Variants in NPAS3 observed in about 807,000 individuals in gnomAD.
The protein encoded by NPAS3 is neuronal PAS domain protein 3.
In NPAS3, 14 loss-of-function variants were observed where a neutral mutation model predicts 73.1. That is an observed-to-expected ratio of 0.19 (90% confidence interval 0.13 to 0.30). The LOEUF is 0.30. Ranked by LOEUF, NPAS3 falls within the 10% of genes least tolerant of loss-of-function variation. The probability of loss-of-function intolerance (pLI) is 1.00; values close to 1 mark genes in which losing one functional copy is unlikely to be tolerated. For missense variants in NPAS3, 1,096 were observed against 1,250.0 expected (o/e 0.88, Z 1.86); for synonymous variants, 620 against 541.5 (o/e 1.14, Z -2.01).
chr14:33,782,834 A>AC (rs2063021750), intron 9 of NPAS3, among the ~76,000 whole-genome samples: 1 of 152,128 alleles, frequency 6.6e-6, no homozygotes, highest in African/African-American at 2.4e-5. Flanking sequence ...AAAAAAAAGA[A>AC]AAAAACAGTA....
At chr14:33,083,129 G>A (rs747330823) in intron 2 of NPAS3, among the ~76,000 whole-genome samples, 10 of 135,870 alleles carry the variant, frequency 7.4e-5, no homozygotes, top group Non-Finnish European at 1.2e-4. Context: ...GTTGCAGTGA[G>A]CCGTGATCAT....
At chr14:33,776,738 A>G (rs1404548901) in intron 8 of NPAS3, among the ~76,000 whole-genome samples, 1 of 151,932 alleles carries the variant, frequency 6.6e-6, no homozygotes, top group African/African-American at 2.4e-5. Context: ...TCATCCCCTC[A>G]CCAACCTTTT....
chr14:33,800,085 C>G lies in NPAS3; in HGVS notation c.1778C>G (p.Ala593Gly). Residue 593 changes from alanine (A) to glycine (G), a missense_variant, in exon 12 of 12, where the codon GCC becomes GGC. Physicochemically the swap from Ala to Gly is moderately conservative, Grantham distance 60 (BLOSUM62 0). This residue lies in a region of NPAS3 where 698 missense variants were observed against 676.7 expected (regional missense o/e 1.03). Coordinates refer to ENST00000356141, the Ensembl canonical transcript of NPAS3. The surrounding 1 kb of genome is among the most constrained non-coding windows in gnomAD (Gnocchi z 6.5). ...AGCGCAGGCGAGGCGGGCGCGCAGG[C>G]CTCCAGCAAGCACCAGAAGCGCAAG... 6.3e-7 allele frequency: 1 copy of G among 1,594,290 alleles called. No homozygotes were observed. Among genetic ancestry groups the G allele is most frequent in the Non-Finnish European group, 8.5e-7 (1 of 1,173,974 alleles).
intron 3 of NPAS3, among the ~76,000 whole-genome samples, chr14:33,241,385 A>C (rs139632507): frequency 8.4e-4 from 128 of 152,078 alleles, no homozygotes; most frequent in African/African-American, 2.9e-3. Flanking sequence ...AACACAAACT[A>C]TGTAGCTGTC....
chr14:33,749,650 G>C (rs2061901978), intron 7 of NPAS3, among the ~76,000 whole-genome samples: 1 of 152,122 alleles, frequency 6.6e-6, no homozygotes, highest in Admixed American at 6.5e-5. Flanking sequence ...AAGCCCCTTG[G>C]CACAGCGGAG....
intron 5 of NPAS3, among the ~76,000 whole-genome samples, chr14:33,591,104 T>A (rs2057048501): frequency 6.6e-6 from 1 of 152,190 alleles, no homozygotes; most frequent in Non-Finnish European, 1.5e-5. Flanking sequence ...TCTCTACAAC[T>A]GTTTCTTAAG....
chr14:33,608,653 T>C (rs992521223), intron 5 of NPAS3: 1 of 152,240 alleles, frequency 6.6e-6, no homozygotes, highest in African/African-American at 2.4e-5. Context: ...GGTAAGCTTT[T>C]TTTTTAAGTT....
At chr14:33,781,807 T>C (rs1162074374) in intron 9 of NPAS3, among the ~76,000 whole-genome samples, 1 of 152,260 alleles carries the variant, frequency 6.6e-6, no homozygotes, top group Non-Finnish European at 1.5e-5. Flanking sequence ...ATACTATCTT[T>C]ATCACTTATA....
intron 7 of NPAS3, among the ~76,000 whole-genome samples, chr14:33,745,815 T>G (rs960346651): frequency 1.3e-5 from 2 of 152,232 alleles, no homozygotes; most frequent in African/African-American, 4.8e-5. Flanking sequence ...ATTGATTTGA[T>G]TATAAGGGAC....
intron 3 of NPAS3, among the ~76,000 whole-genome samples, chr14:33,261,695 A>G (rs2048981616): frequency 6.6e-6 from 1 of 152,318 alleles, no homozygotes; most frequent in African/African-American, 2.4e-5. Flanking sequence ...AAAGTTTGAC[A>G]TAACAATTTT....
chr14:33,764,661 C>T (rs1036454147), intron 7 of NPAS3, among the ~76,000 whole-genome samples: 11 of 152,254 alleles, frequency 7.2e-5, no homozygotes, highest in African/African-American at 2.6e-4. Flanking sequence ...GCCTCTCTAC[C>T]CTCAAGACAG....
chr14:33,155,923 T>A (rs1313031568), intron 2 of NPAS3, among the ~76,000 whole-genome samples: 1 of 152,238 alleles, frequency 6.6e-6, no homozygotes, highest in Non-Finnish European at 1.5e-5. Context: ...TCAGATGCCC[T>A]CTGTCAATTT....
intron 3 of NPAS3, among the ~76,000 whole-genome samples, chr14:33,259,704 ATAAG>A (rs1191482628): frequency 6.6e-6 from 1 of 152,236 alleles, no homozygotes; most frequent in African/African-American, 2.4e-5. Context: ...GGAAGAAAGA[ATAAG>A]TAAGGGCATG....
intron 3 of NPAS3, among the ~76,000 whole-genome samples, chr14:33,296,299 G>A (rs141191985): frequency 6.4e-4 from 97 of 152,076 alleles, no homozygotes; most frequent in African/African-American, 2.1e-3. Context: ...TATTTATATA[G>A]ACATCATTCA....
intron 1 of NPAS3, among the ~76,000 whole-genome samples, chr14:32,998,411 G>A (rs1451192491): frequency 6.6e-6 from 1 of 151,310 alleles, no homozygotes. Flanking sequence ...TGGGTATGGG[G>A]TTTTTTTTTG....
intron 7 of NPAS3, among the ~76,000 whole-genome samples, chr14:33,755,510 A>G (rs7147928): frequency 0.37 from 56,347 of 151,988 alleles, 14,667 homozygotes; most frequent in African/African-American, 0.74. Flanking sequence ...GGGGTCTGTG[A>G]ATTGCCTCGG....
chr14:33,198,126 G>A (rs1359752374), intron 2 of NPAS3, among the ~76,000 whole-genome samples: 1 of 152,196 alleles, frequency 6.6e-6, no homozygotes, highest in Non-Finnish European at 1.5e-5. Flanking sequence ...ACTGGCCTCA[G>A]GAGTGAAACT....
At chr14:33,650,756 C>G (rs1326142729) in intron 5 of NPAS3, among the ~76,000 whole-genome samples, 1 of 152,080 alleles carries the variant, frequency 6.6e-6, no homozygotes, top group Non-Finnish European at 1.5e-5. Flanking sequence ...CTCTCTCTCT[C>G]TCTCTCTCAT....
At chr14:33,644,167 T>C (rs1223816714) in intron 5 of NPAS3, among the ~76,000 whole-genome samples, 1 of 152,226 alleles carries the variant, frequency 6.6e-6, no homozygotes, top group East Asian at 1.9e-4. Flanking sequence ...AATATTTGCA[T>C]AATTTATTAA....
Sources: allele counts gnomAD v4.1 joint callset (sites outside exome capture counted in the v4.1 genomes callset), GRCh38; gene constraint gnomAD v4.1.1; regional missense constraint gnomAD v4.1.1; non-coding constraint Gnocchi (gnomAD v3.1); transcripts MANE v1.5; gene names NCBI Gene and HGNC (gene_info 2026-07-23, HGNC 2026-07-21).